TRPM7: variants seen among roughly 807,000 people sequenced by gnomAD.
The protein encoded by TRPM7 is transient receptor potential cation channel subfamily M member 7.
TRPM7 carries 134 observed loss-of-function variants against 229.7 expected under a neutral mutation model. The observed-to-expected ratio is 0.58, with a 90% CI of 0.51 to 0.67. The LOEUF is 0.67. TRPM7 is among the 30% of genes least tolerant of loss of function. The pLI is 0.00. For missense variants in TRPM7, 1,901 were observed against 2,210.0 expected, an observed-to-expected ratio of 0.86 and a Z score of 2.80; for synonymous variants, 699 against 715.2, an observed-to-expected ratio of 0.98 and a Z score of 0.36.
chr15:50,627,581 T>C (rs973864071), intron 11 of TRPM7, among the ~76,000 whole-genome samples: 1 of 152,174 alleles, frequency 6.6e-6, no homozygotes, highest in Non-Finnish European at 1.5e-5. Flanking sequence ...TGGAATGTGA[T>C]TCATCTCCTG....
chr15:50,621,580 T>G (rs2060408468), intron 12 of TRPM7, among the ~76,000 whole-genome samples: 1 of 152,168 alleles, frequency 6.6e-6, no homozygotes, highest in African/African-American at 2.4e-5. Flanking sequence ...CTCTCAGTGT[T>G]TGGTGGAGTT....
At chr15:50,572,487 T>C (rs2053938746) in intron 36 of TRPM7, among the ~76,000 whole-genome samples, 4 of 152,362 alleles carry the variant, frequency 2.6e-5, no homozygotes, top group South Asian at 4.1e-4. Context: ...TCATACACAA[T>C]GCTATCACAC....
At chr15:50,581,485 C>T (rs1048351716) in intron 29 of TRPM7, among the ~76,000 whole-genome samples, 9 of 147,600 alleles carry the variant, frequency 6.1e-5, no homozygotes, top group Admixed American at 3.5e-4. Flanking sequence ...GGCGACAGAG[C>T]GAGACTCCAT....
chr15:50,616,216 T>C (rs2060218027), intron 13 of TRPM7, among the ~76,000 whole-genome samples: 1 of 152,178 alleles, frequency 6.6e-6, no homozygotes, highest in Non-Finnish European at 1.5e-5. Flanking sequence ...CACTAAGTCA[T>C]AAAACTCAAG....
intron 38 of TRPM7, among the ~76,000 whole-genome samples, chr15:50,566,883 T>G (rs1456696558): frequency 1.3e-5 from 2 of 152,032 alleles, no homozygotes; most frequent in Non-Finnish European, 2.9e-5. Flanking sequence ...TTTGAAGGTA[T>G]CAATAAAATT....
chr15:50,578,540 G>A, intron 31 of TRPM7, 99 bp downstream of exon 31: 2 of 1,186,888 alleles, frequency 1.7e-6, no homozygotes, highest in Non-Finnish European at 2.4e-6. Flanking sequence ...TTTCTAGCTT[G>A]AAGTCTAAAA....
chr15:50,561,435 A>G lies in TRPM7; in HGVS notation c.*243T>C, dbSNP rs150859380. 771 of 405,778 alleles carry G rather than the reference A, an allele frequency of 1.9e-3. 9 individuals are homozygous for G. The highest frequency in any genetic ancestry group is 0.014 in the African/African-American group (692 of 47,986). The allele number at this position is 405,778 out of a possible 1,614,324, so 25.1% of individuals were successfully genotyped here. A position where few individuals can be genotyped will look rare whatever the true frequency, so the allele number is the denominator to read the frequency against. ...CTCTGCTATACAAAGAGCCCTTTAA[A>G]AAGTTATAAATACTAATTATCAATT... On this transcript the variant is annotated 3_prime_UTR_variant, in exon 39 of 39. Transcript: ENST00000646667.
intron 1 of TRPM7, among the ~76,000 whole-genome samples, chr15:50,685,481 A>C (rs2062337011): frequency 6.6e-6 from 1 of 152,218 alleles, no homozygotes; most frequent in South Asian, 2.1e-4. Context: ...AAAAAGAATA[A>C]GGTGGAAAAT....
intron 19 of TRPM7, among the ~76,000 whole-genome samples, chr15:50,608,244 C>G (rs1289146354): frequency 6.6e-6 from 1 of 152,058 alleles, no homozygotes; most frequent in Non-Finnish European, 1.5e-5. Context: ...AAACAGGTTA[C>G]AGAGAGGTGC....
At chr15:50,650,826 G>A (rs1004941254) in intron 3 of TRPM7, among the ~76,000 whole-genome samples, 6 of 152,188 alleles carry the variant, frequency 3.9e-5, no homozygotes, top group East Asian at 3.8e-4. Flanking sequence ...TCTAAAACTC[G>A]CTAGTGGAAT....
chr15:50,562,524 C>T (rs2053363244), intron 38 of TRPM7, among the ~76,000 whole-genome samples: 1 of 152,112 alleles, frequency 6.6e-6, no homozygotes, highest in Admixed American at 6.5e-5. Context: ...AATCTCAGCA[C>T]TTTGAAAGGC....
Position 50,557,937 on chromosome 15 carries a change from C to A in TRPM7, c.*3741G>T, listed in dbSNP as rs2053190683. 1 of 152,200 alleles carries A rather than the reference C, an allele frequency of 6.6e-6. No homozygotes were observed. The highest frequency in any genetic ancestry group is 6.5e-5 in the Admixed American group (1 of 15,280). 9.4% of individuals were successfully genotyped at this position (152,200 alleles called of 1,614,324 possible). On this transcript the variant is annotated 3_prime_UTR_variant, in exon 39 of 39. Transcript: ENST00000646667. ...GGAATTACAGGCGTGAGCCACTGCA[C>A]CTGGCCGAGAATTCCACATTTTAAG...
At chr15:50,643,640 A>G (rs1281029560) in intron 4 of TRPM7, 87 bp from the exon 5 acceptor site, 1 of 961,266 alleles carries the variant, frequency 1.0e-6, no homozygotes, top group Non-Finnish European at 1.6e-6. Context: ...AAAATTTTAT[A>G]TGAATCAGAT....
rs545898777 is a variant in TRPM7 at position 50,631,081 on chromosome 15, G to A, written c.1204+336C>T. Among the ~76,000 whole-genome samples the A allele has an allele frequency of 2.6e-5, 4 of 152,140 alleles. No individual in the cohort carries two copies. In the South Asian group the frequency reaches 8.3e-4, roughly 32 times the overall value. On this transcript the variant is annotated intron_variant, in intron 10 of 38. Transcript: ENST00000646667. ...GGCCTCAAGTGATCCTCCTGCTTTGGCTCCCAAAGTGTTGGGATTACAGGT... is the reference window on the plus strand; with the variant it reads ...GGCCTCAAGTGATCCTCCTGCTTTGACTCCCAAAGTGTTGGGATTACAGGT...
chr15:50,625,685 G>A (rs1205937502), intron 11 of TRPM7, among the ~76,000 whole-genome samples: 1 of 152,074 alleles, frequency 6.6e-6, no homozygotes, highest in Non-Finnish European at 1.5e-5. Context: ...AGAGGCATGA[G>A]CCACCACACC....
intron 31 of TRPM7, 70 bp downstream of exon 31, chr15:50,578,569 G>A: frequency 7.0e-7 from 1 of 1,436,922 alleles, no homozygotes; most frequent in Non-Finnish European, 9.7e-7. Flanking sequence ...CTAGAATAAT[G>A]TGGTGTTTGC....
At position 50,643,544 on chromosome 15, in the gene TRPM7, G is replaced by A. The variant is rs376254167; in HGVS notation, c.331C>T (p.Leu111=). The change falls in exon 5 of 39, where the codon CTA becomes TTA. Residue 111 remains leucine, a synonymous_variant. Transcript: ENST00000646667. ...ACTTCAGGTTTGGTGTCATATGATA[G>A]CCTCACATACTAGAAAAAGATTTTA... ...SHSYRAKYVR[L]SYDTKPEVIL... 3.1e-6 allele frequency: 5 copies of A among 1,613,150 alleles called. No homozygotes were observed. Among genetic ancestry groups the A allele is most frequent in the African/African-American group, 2.7e-5 (2 of 74,892 alleles).
In TRPM7 at chr15:50,679,538, A is replaced by ATATTTT. The variant is rs1400383980; in HGVS notation, c.3+6992_3+6993insAAAATA. Among the ~76,000 whole-genome samples the ATATTTT allele has an allele frequency of 6.8e-4, 30 of 43,886 alleles. 1 individual carries two copies. The highest frequency in any genetic ancestry group is 3.1e-3 in the African/African-American group (29 of 9,304). The allele number at this position is 43,886 out of a possible 152,430, so 28.8% of individuals were successfully genotyped here. On this transcript the variant is annotated intron_variant, in intron 1 of 38. Coordinates refer to ENST00000646667, the MANE Select transcript of TRPM7 (RefSeq NM_017672.6). ...TATATATATATATATATATATATATATTTTTTTTTTTTTTTGAGACAGAGT... is the reference window on the plus strand; with the variant it reads ...TATATATATATATATATATATATATATATTTTTTTTTTTTTTTTTTTGAGACAGAGT...
chr15:50,565,423 A>G (rs2053555954), intron 38 of TRPM7, among the ~76,000 whole-genome samples: 1 of 152,234 alleles, frequency 6.6e-6, no homozygotes, highest in Non-Finnish European at 1.5e-5. Flanking sequence ...TGATGAAAAC[A>G]TTAATCAAAA....
Sources: gnomAD v4.1 joint callset for allele counts (sites outside exome capture counted in the v4.1 genomes callset) on GRCh38, gnomAD v4.1.1 for gene constraint, MANE v1.5 for transcripts, NCBI Gene and HGNC (gene_info 2026-07-23, HGNC 2026-07-21) for gene names.